The following CHL1 variants were observed in gnomAD, a reference collection of about 807,000 sequenced individuals.
The protein encoded by CHL1 is neural cell adhesion molecule L1-like protein.
CHL1 carries 96 observed loss-of-function variants against 141.9 expected under a neutral mutation model. That is an observed-to-expected ratio of 0.68 (90% CI 0.57 to 0.80). CHL1 has a LOEUF of 0.80. Among genes scored for constraint, CHL1 ranks in the 30% least tolerant of loss-of-function variants. The pLI, the probability that CHL1 is intolerant of heterozygous loss-of-function variation, is 0.00. For missense variants in CHL1, 1,820 were observed against 1,457.2 expected, an observed-to-expected ratio of 1.25 and a Z score of -4.05; for synonymous variants, 613 against 502.2, an observed-to-expected ratio of 1.22 and a Z score of -2.95.
chr3:197,857 T>A, intron 1 of CHL1: 1 of 419,958 alleles, frequency 2.4e-6, no homozygotes, highest in South Asian at 1.7e-5. Flanking sequence ...TCTTTGTGCC[T>A]CTCTCTTTCT....
chr3:349,941 A>G (rs1345994507), intron 10 of CHL1, among the ~76,000 whole-genome samples: 1 of 150,708 alleles, frequency 6.6e-6, no homozygotes, highest in East Asian at 1.9e-4. Context: ...CTTGGATTTA[A>G]CTTGCTGTGC....
At chr3:200,806 C>T (rs1698854287) in intron 1 of CHL1, among the ~76,000 whole-genome samples, 2 of 152,162 alleles carry the variant, frequency 1.3e-5, no homozygotes. Flanking sequence ...AGACTGGAAA[C>T]AATTCTCAAT....
At position 405,632 on chromosome 3, in the gene CHL1, G is replaced by T; in HGVS notation, c.3596G>T (p.Gly1199Val). 1 of 1,613,528 alleles carries T rather than the reference G, an allele frequency of 6.2e-7. No individual in the cohort carries two copies. Among genetic ancestry groups the T allele is most frequent in the South Asian group, 1.1e-5 (1 of 91,064 alleles). Residue 1199 changes from glycine (G) to valine (V), a missense_variant, in exon 28 of 28, where the codon GGT (glycine) becomes GTT (valine). By Grantham distance (109) the Gly-to-Val change is moderately radical. Coordinates refer to ENST00000256509, the MANE Select transcript of CHL1 (RefSeq NM_006614.4). ...TTCAGTGAAGATGGATCATTTATTGGTGCCTACGCTGGATCTAAGGAGAAG... is the reference window on the plus strand; with the variant it reads ...TTCAGTGAAGATGGATCATTTATTGTTGCCTACGCTGGATCTAAGGAGAAG... ...GLFSEDGSFI[G>V]AYAGSKEKGS... is the part of the protein sequence containing the mutation.
At chr3:269,115 A>G (rs534553584) in intron 2 of CHL1, among the ~76,000 whole-genome samples, 15 of 152,224 alleles carry the variant, frequency 9.9e-5, no homozygotes, top group Non-Finnish European at 1.2e-4. Flanking sequence ...GAGTTGAAAG[A>G]AAAAACTCAA....
intron 20 of CHL1, among the ~76,000 whole-genome samples, chr3:390,132 G>A (rs1042001670): frequency 3.3e-5 from 5 of 152,234 alleles, no homozygotes; most frequent in African/African-American, 9.6e-5. Flanking sequence ...CTCACCTGCC[G>A]TCTAAATTCT....
intron 4 of CHL1, among the ~76,000 whole-genome samples, chr3:327,386 C>G (rs1701096032): frequency 2.0e-5 from 3 of 151,390 alleles, no homozygotes; most frequent in African/African-American, 2.4e-5. Flanking sequence ...ATAGAACTGA[C>G]ACTCTAGCAT....
intron 2 of CHL1, among the ~76,000 whole-genome samples, chr3:312,038 A>G (rs1041851490): frequency 6.6e-6 from 1 of 152,222 alleles, no homozygotes. Context: ...GTGGGAAAAC[A>G]AAAACATGTA....
At chr3:255,267 TC>T (rs1419872516) in intron 2 of CHL1, among the ~76,000 whole-genome samples, 7 of 152,174 alleles carry the variant, frequency 4.6e-5, no homozygotes, top group South Asian at 4.1e-4. Flanking sequence ...AAAGTCTCTT[TC>T]TTATTCACTG....
intron 5 of CHL1, 94 bp downstream of exon 5, chr3:328,448 A>T: frequency 9.9e-7 from 1 of 1,005,452 alleles, no homozygotes; most frequent in Non-Finnish European, 1.4e-6. Context: ...AGCAGTTATT[A>T]ACTAAATCAA....
intron 2 of CHL1, among the ~76,000 whole-genome samples, chr3:289,530 C>G (rs183226849): frequency 6.6e-6 from 1 of 152,252 alleles, no homozygotes. Flanking sequence ...TCTCTGCAAA[C>G]ACTGAATTAG....
chr3:244,523 A>AT (rs1368608399), intron 1 of CHL1, 90 bp from the exon 2 acceptor site: 2 of 148,504 alleles, frequency 1.3e-5, no homozygotes, highest in South Asian at 2.2e-4. Context: ...AATTAAATCC[A>AT]TTTTTTTAAA....
At chr3:218,553 G>C (rs1456925369) in intron 1 of CHL1, among the ~76,000 whole-genome samples, 1 of 152,110 alleles carries the variant, frequency 6.6e-6, no homozygotes, top group Non-Finnish European at 1.5e-5. Context: ...GTTGACTTTA[G>C]CACAAATTCC....
intron 2 of CHL1, among the ~76,000 whole-genome samples, chr3:305,113 G>A (rs1393780710): frequency 6.6e-6 from 1 of 152,020 alleles, no homozygotes; most frequent in Admixed American, 6.6e-5. Flanking sequence ...ATTGATTTGT[G>A]CTAATGATAT....
chr3:246,593 C>T (rs1693192855), intron 2 of CHL1: 1 of 152,008 alleles, frequency 6.6e-6, no homozygotes, highest in Non-Finnish European at 1.5e-5. Context: ...AATTTCCTCC[C>T]AGAATACCCA....
intron 2 of CHL1, among the ~76,000 whole-genome samples, chr3:291,451 TTTTTCTTTTTC>T (rs915256872): frequency 6.9e-6 from 1 of 144,164 alleles, no homozygotes; most frequent in African/African-American, 2.6e-5. Flanking sequence ...TTTTCTTTTC[TTTTTCTTTTTC>T]TTTTTTTTAA....
chr3:236,551 T>G (rs1574810166), intron 1 of CHL1, among the ~76,000 whole-genome samples: 1 of 152,216 alleles, frequency 6.6e-6, no homozygotes, highest in South Asian at 2.1e-4. Context: ...TTGGAAGCTA[T>G]TTATTTCTTT....
chr3:401,733 T>C (rs772773624), intron 27 of CHL1, 35 bp downstream of exon 27: 54 of 1,218,630 alleles, frequency 4.4e-5, no homozygotes, highest in Non-Finnish European at 4.3e-5. Context: ...ATAAAACACA[T>C]ATTCATCATG....
intron 1 of CHL1, among the ~76,000 whole-genome samples, chr3:219,488 C>A (rs187340671): frequency 1.3e-4 from 20 of 152,236 alleles, no homozygotes; most frequent in Middle Eastern, 3.4e-3. Flanking sequence ...ACATATGCAC[C>A]ATGGACTATT....
At chr3:219,969 C>T (rs461375) in intron 1 of CHL1, among the ~76,000 whole-genome samples, 136,195 of 152,254 alleles carry the variant, frequency 0.89, 62,580 homozygotes, top group East Asian at 1. Flanking sequence ...TGTTCATCTA[C>T]ATCATTGAAT....
Sources: gnomAD v4.1 joint callset for allele counts (sites outside exome capture counted in the v4.1 genomes callset) on GRCh38, gnomAD v4.1.1 for gene constraint, MANE v1.5 for transcripts, NCBI Gene and HGNC (gene_info 2026-07-23, HGNC 2026-07-21) for gene names.